TACC2: variants seen among roughly 807,000 people sequenced by gnomAD.
The protein encoded by TACC2 is transforming acidic coiled-coil containing protein 2, also known as transforming acidic coiled-coil-containing protein 2.
Under a neutral mutation model 227.3 loss-of-function variants are expected in TACC2, and 137 were observed. The observed-to-expected ratio is 0.60, with a 90% CI of 0.52 to 0.69. TACC2 has a LOEUF of 0.69. Among genes scored for constraint, TACC2 ranks in the 30% least tolerant of loss-of-function variants. TACC2 has a pLI of 0.00. For synonymous variants in TACC2, 1,523 were observed against 1,487.5 expected (o/e 1.02, Z -0.55); for missense variants, 3,470 against 3,694.4 (o/e 0.94, Z 1.57).
At position 122,088,510 on chromosome 10, in the gene TACC2, C is replaced by A. The variant is rs1471761519; in HGVS notation, c.5492C>A (p.Pro1831His). Residue 1831 changes from proline (P) to histidine (H), a missense_variant, in exon 5 of 23, where the codon CCT (proline) becomes CAT (histidine). By Grantham distance (77) the Pro-to-His change is moderately conservative (BLOSUM62 -2). Around this residue, in one of 10 missense-constraint regions of TACC2, gnomAD observed 1,924 missense variants for 1,978.3 expected, o/e 0.97. Transcript: ENST00000369005. ...CCCAGGCCTGGCCCATCCATGTTAC[C>A]TTCGGTTCCTAAGAAGGATGCTCCA... Reference protein sequence around the residue: ...ESPRPGPSMLPSVPKKDAPRV... With the variant: ...ESPRPGPSMLHSVPKKDAPRV... 2 of 1,613,484 alleles carry A rather than the reference C, an allele frequency of 1.2e-6. No homozygotes were observed. Among genetic ancestry groups the A allele is most frequent in the East Asian group, 2.2e-5 (1 of 44,894 alleles).
At position 122,050,502 on chromosome 10, in the gene TACC2, G is replaced by C; in HGVS notation, c.98G>C (p.Arg33Thr). ...CCCGGGAACAGTCAGAATATAAAAA[G>C]GAAGCAGCAGGACACGCCCGGAAGC... Reference protein sequence around the residue: ...QPPGNSQNIKRKQQDTPGSPD... With the variant: ...QPPGNSQNIKTKQQDTPGSPD... Residue 33 changes from arginine (R) to threonine (T), a missense_variant, in exon 3 of 23, where the codon AGG becomes ACG. Physicochemically the swap from Arg to Thr is moderately conservative, Grantham distance 71. Transcript: ENST00000369005. This position sits in a 1 kb window ranked among gnomAD's most constrained non-coding sequence, Gnocchi z 4.6. 1 of 1,614,130 alleles carries C rather than the reference G, an allele frequency of 6.2e-7. No individual in the cohort carries two copies. The highest frequency in any genetic ancestry group is 8.5e-7 in the Non-Finnish European group (1 of 1,180,034).
chr10:122,158,871 G>A (rs1223151242), intron 7 of TACC2, among the ~76,000 whole-genome samples: 1 of 152,198 alleles, frequency 6.6e-6, no homozygotes, highest in South Asian at 2.1e-4. Flanking sequence ...ATAAGACAGA[G>A]TTTTGCCAGG....
At chr10:122,029,315 G>C (rs145953407) in intron 2 of TACC2, among the ~76,000 whole-genome samples, 56 of 152,134 alleles carry the variant, frequency 3.7e-4, no homozygotes, top group African/African-American at 1.3e-3. Flanking sequence ...TCTTTGGCCT[G>C]TTGATATATT....
intron 8 of TACC2, among the ~76,000 whole-genome samples, chr10:122,200,304 A>G (rs545465510): frequency 2.2e-4 from 34 of 152,382 alleles, no homozygotes; most frequent in African/African-American, 7.5e-4. Context: ...TGGAAGGACG[A>G]TGGAGAGTTT....
chr10:122,026,509 G>A (rs1258215629), intron 2 of TACC2, among the ~76,000 whole-genome samples: 1 of 151,386 alleles, frequency 6.6e-6, no homozygotes, highest in Non-Finnish European at 1.5e-5. Context: ...GATTCATTTT[G>A]AATTAATTTT....
chr10:122,108,414 G>A (rs369170455), intron 5 of TACC2, among the ~76,000 whole-genome samples: 2 of 141,796 alleles, frequency 1.4e-5, no homozygotes, highest in African/African-American at 5.2e-5. Context: ...GTGTGTGTGT[G>A]TATATATATA....
rs948906316 is a variant in TACC2 at position 122,216,970 on chromosome 10, A to G, written c.7546+142A>G. On this transcript the variant is annotated intron_variant, in intron 11 of 22. Transcript: ENST00000369005. Reference sequence around the variant, plus strand: ...AGATCGTCTGCACGTCTCCCGCTGCACTTGCAGCTCAGGCTGTGTTTGAAA... The same window carrying G: ...AGATCGTCTGCACGTCTCCCGCTGCGCTTGCAGCTCAGGCTGTGTTTGAAA... 2.0e-6 allele frequency: 3 copies of G among 1,496,598 alleles called. No homozygotes were observed. In the African/African-American group the frequency reaches 4.2e-5, roughly 21 times the overall value. The allele number at this position is 1,496,598 out of a possible 1,614,324, so 92.7% of individuals were successfully genotyped here. A position where few individuals can be genotyped will look rare whatever the true frequency, so the allele number is the denominator to read the frequency against.
chr10:122,148,144 C>T (rs1265726058), intron 7 of TACC2, among the ~76,000 whole-genome samples: 5 of 148,310 alleles, frequency 3.4e-5, no homozygotes, highest in Non-Finnish European at 7.4e-5. Flanking sequence ...GCTCTCATAG[C>T]CCAGGCTGGA....
intron 3 of TACC2, among the ~76,000 whole-genome samples, chr10:122,074,844 C>T (rs1410638472): frequency 1.3e-5 from 2 of 152,146 alleles, no homozygotes; most frequent in Non-Finnish European, 2.9e-5. Context: ...GATTTCATGT[C>T]AGGTAGGACT....
intron 3 of TACC2, among the ~76,000 whole-genome samples, chr10:122,073,536 G>A (rs2078393752): frequency 6.6e-6 from 1 of 152,156 alleles, no homozygotes; most frequent in South Asian, 2.1e-4. Flanking sequence ...TTCTTTTAAT[G>A]TAAGGCTGTG....
intron 7 of TACC2, among the ~76,000 whole-genome samples, chr10:122,166,457 G>T (rs1565482836): frequency 6.6e-6 from 1 of 152,122 alleles, no homozygotes; most frequent in African/African-American, 2.4e-5. Flanking sequence ...GAGAACTCAG[G>T]CATCAAGATT....
At chr10:122,012,911 A>T (rs1956127005) in intron 1 of TACC2, among the ~76,000 whole-genome samples, 1 of 152,162 alleles carries the variant, frequency 6.6e-6, no homozygotes. Flanking sequence ...GCAGTGGGCC[A>T]CGGTGCTGCT....
At chr10:122,235,790 C>A (rs1290617631) in intron 16 of TACC2, among the ~76,000 whole-genome samples, 5 of 152,180 alleles carry the variant, frequency 3.3e-5, no homozygotes, top group African/African-American at 9.6e-5. Context: ...TCTGGTCAAG[C>A]GTCCTTAAAA....
chr10:122,054,687 C>T lies in TACC2; in HGVS notation c.146+4137C>T, dbSNP rs79655384. Among the ~76,000 whole-genome samples the T allele has an allele frequency of 9.0e-3, 1,370 of 152,224 alleles. 15 individuals carry two copies. The highest frequency in any genetic ancestry group is 0.031 in the African/African-American group (1,280 of 41,518). ...GTCAAGGGCAGTGTTTCGAGATGAC[C>T]GGCTTTTCTCAGGGAGTGAGAATCA... On this transcript the variant is annotated intron_variant, in intron 3 of 22. Transcript: ENST00000369005.
Position 122,033,350 on chromosome 10 carries a change from A to G in TACC2, c.33+11336A>G, listed in dbSNP as rs532037175. On this transcript the variant is annotated intron_variant, in intron 2 of 22. Coordinates refer to ENST00000369005, the MANE Select transcript of TACC2 (RefSeq NM_206862.4). ...TCGACAATTTATGTTTAGATTTTTTAGGATAGTATTTTAGTGTGCCTGTCC... is the reference window on the plus strand; with the variant it reads ...TCGACAATTTATGTTTAGATTTTTTGGGATAGTATTTTAGTGTGCCTGTCC... Among the ~76,000 whole-genome samples, 13 of 152,346 alleles carry G rather than the reference A, an allele frequency of 8.5e-5. No individual in the cohort carries two copies. The East Asian group carries it at 2.5e-3, about 29-fold the overall frequency.
chr10:122,246,666 C>T (rs2096127167), intron 19 of TACC2: 2 of 152,398 alleles, frequency 1.3e-5, no homozygotes, highest in East Asian at 1.9e-4. Context: ...GTTGTTCACT[C>T]GTCGCATGGA....
chr10:122,048,435 T>TCCTCCCTC (rs142187179), intron 2 of TACC2, among the ~76,000 whole-genome samples: 18 of 133,596 alleles, frequency 1.3e-4, no homozygotes, highest in East Asian at 2.3e-4. Context: ...CCTCCTTGCT[T>TCCTCCCTC]CCTCCCTCCC....
intron 1 of TACC2, among the ~76,000 whole-genome samples, chr10:122,007,160 C>T (rs765399252): frequency 1.4e-4 from 21 of 152,074 alleles, no homozygotes; most frequent in Non-Finnish European, 2.4e-4. Flanking sequence ...CCATGCCCGG[C>T]CACTTTCCTG....
At position 122,086,193 on chromosome 10, in the gene TACC2, T is replaced by C; in HGVS notation, c.3693T>C (p.Ala1231=). ...TGCTGTCTGGGCCACCAGAAGTGGCTGCTCCTGACACCCCTTACCTGCATG... is the reference window on the plus strand; with the variant it reads ...TGCTGTCTGGGCCACCAGAAGTGGCCGCTCCTGACACCCCTTACCTGCATG... The part of the protein sequence containing the change: ...ELLLSGPPEV[A]APDTPYLHVD... The change falls in exon 4 of 23, where the codon GCT becomes GCC. Residue 1231 remains alanine, a synonymous_variant. Transcript: ENST00000369005. The C allele has an allele frequency of 6.2e-7, 1 of 1,613,704 alleles. No individual in the cohort carries two copies. The highest frequency in any genetic ancestry group is 8.5e-7 in the Non-Finnish European group (1 of 1,179,972).
Sources: allele counts gnomAD v4.1 joint callset (sites outside exome capture counted in the v4.1 genomes callset), GRCh38; gene constraint gnomAD v4.1.1; regional missense constraint gnomAD v4.1.1; non-coding constraint Gnocchi (gnomAD v3.1); transcripts MANE v1.5; gene names NCBI Gene and HGNC (gene_info 2026-07-23, HGNC 2026-07-21).